DRC11: variants seen among roughly 807,000 people sequenced by gnomAD.
DRC11 encodes IQ and AAA domain-containing protein 1.
the DRC11 span, among the ~76,000 whole-genome samples, chr2:236,389,909 T>C: frequency 6.6e-6 from 1 of 152,196 alleles, no homozygotes; most frequent in Non-Finnish European, 1.5e-5. Context: ...ACTTAGCATG[T>C]GATATATCCT....
At chr2:236,450,074 C>T in the DRC11 span, among the ~76,000 whole-genome samples, 1 of 152,040 alleles carries the variant, frequency 6.6e-6, no homozygotes, top group Non-Finnish European at 1.5e-5. Flanking sequence ...TATTATTGTC[C>T]TTGCTACAGC....
the DRC11 span, among the ~76,000 whole-genome samples, chr2:236,339,521 G>T: frequency 7.2e-5 from 11 of 152,150 alleles, no homozygotes; most frequent in Non-Finnish European, 1.2e-4. Flanking sequence ...ATATTTTCTT[G>T]TAAGAGTGTT....
chr2:236,406,518 C>A, the DRC11 span, among the ~76,000 whole-genome samples: 1 of 152,140 alleles, frequency 6.6e-6, no homozygotes, highest in Non-Finnish European at 1.5e-5. The surrounding 1 kb of genome is among the most constrained non-coding windows in gnomAD (Gnocchi z 4.7). Flanking sequence ...ACCTGCTCCT[C>A]CCCTCTGGGT....
chr2:236,486,700 G>T, the DRC11 span: 1 of 669,990 alleles, frequency 1.5e-6, no homozygotes, highest in Non-Finnish European at 2.6e-6. This position sits in a 1 kb window ranked among gnomAD's most constrained non-coding sequence, Gnocchi z 5.7. Context: ...TACCATATGG[G>T]TGACTCCATT....
the DRC11 span, among the ~76,000 whole-genome samples, chr2:236,317,506 A>C: frequency 6.6e-6 from 1 of 152,172 alleles, no homozygotes; most frequent in Non-Finnish European, 1.5e-5. This position sits in a 1 kb window ranked among gnomAD's most constrained non-coding sequence, Gnocchi z 5.4. Context: ...GTTCAAACCC[A>C]GCTAAAAGTA....
the DRC11 span, among the ~76,000 whole-genome samples, chr2:236,406,211 T>C: frequency 6.6e-6 from 1 of 152,238 alleles, no homozygotes; most frequent in African/African-American, 2.4e-5. The surrounding 1 kb of genome is among the most constrained non-coding windows in gnomAD (Gnocchi z 4.7). Flanking sequence ...TATCAAAATA[T>C]CTTTGTGAAA....
chr2:236,380,130 T>C, the DRC11 span, among the ~76,000 whole-genome samples: 419 of 152,300 alleles, frequency 2.8e-3, 3 homozygotes, highest in African/African-American at 9.6e-3. The surrounding 1 kb of genome is among the most constrained non-coding windows in gnomAD (Gnocchi z 4.9). Flanking sequence ...GCTGGGCCCA[T>C]GAAGCTCTGA....
the DRC11 span, among the ~76,000 whole-genome samples, chr2:236,475,661 CA>C: frequency 6.6e-6 from 1 of 152,144 alleles, no homozygotes. This position sits in a 1 kb window ranked among gnomAD's most constrained non-coding sequence, Gnocchi z 4.8. Flanking sequence ...ACCAACAGTG[CA>C]CAAGCGTTCC....
the DRC11 span, chr2:236,392,253 G>T: frequency 6.3e-7 from 1 of 1,585,258 alleles, no homozygotes; most frequent in Non-Finnish European, 8.6e-7. This position sits in a 1 kb window ranked among gnomAD's most constrained non-coding sequence, Gnocchi z 5.1. Context: ...CCTGTATCCT[G>T]ATCTCTGACT....
At chr2:236,487,905 G>A in the DRC11 span, 1 of 724,776 alleles carries the variant, frequency 1.4e-6, no homozygotes, top group Non-Finnish European at 2.1e-6. Flanking sequence ...GGTAGGATTT[G>A]GTGTTTGAGT....
At chr2:236,322,926 G>C in the DRC11 span, among the ~76,000 whole-genome samples, 3 of 152,206 alleles carry the variant, frequency 2.0e-5, no homozygotes, top group Non-Finnish European at 4.4e-5. Context: ...CACAGATCTA[G>C]AACTTTTCCA....
At chr2:236,444,377 G>A in the DRC11 span, among the ~76,000 whole-genome samples, 256 of 152,352 alleles carry the variant, frequency 1.7e-3, no homozygotes, top group Non-Finnish European at 2.9e-3. Flanking sequence ...TTGATTCTCT[G>A]CTACTATTGT....
the DRC11 span, among the ~76,000 whole-genome samples, chr2:236,384,127 G>A: frequency 2.1e-4 from 32 of 151,192 alleles, no homozygotes; most frequent in East Asian, 9.7e-4. Context: ...ATAAACATAC[G>A]TGTGCATGTG....
At chr2:236,497,575 T>A in the DRC11 span, 1 of 855,976 alleles carries the variant, frequency 1.2e-6, no homozygotes, top group African/African-American at 1.7e-5. The surrounding 1 kb of genome is among the most constrained non-coding windows in gnomAD (Gnocchi z 5.1). Flanking sequence ...TAGCAAAATA[T>A]AACACAGAAT....
At chr2:236,459,688 C>CGTAT in the DRC11 span, among the ~76,000 whole-genome samples, 6 of 131,242 alleles carry the variant, frequency 4.6e-5, no homozygotes, top group Non-Finnish European at 1.0e-4. Flanking sequence ...TATGTATATA[C>CGTAT]ATATATACAT....
the DRC11 span, among the ~76,000 whole-genome samples, chr2:236,386,912 C>T: frequency 1.6e-4 from 23 of 144,786 alleles, no homozygotes; most frequent in African/African-American, 4.9e-4. Context: ...GCCTTCATTT[C>T]GTTATGTACC....
the DRC11 span, among the ~76,000 whole-genome samples, chr2:236,346,208 A>G: frequency 5.9e-5 from 9 of 152,362 alleles, no homozygotes; most frequent in African/African-American, 2.2e-4. Context: ...TGATAACTGC[A>G]GTGAATGAGT....
chr2:236,377,516 T>C, the DRC11 span, among the ~76,000 whole-genome samples: 1 of 152,166 alleles, frequency 6.6e-6, no homozygotes, highest in Non-Finnish European at 1.5e-5. This position sits in a 1 kb window ranked among gnomAD's most constrained non-coding sequence, Gnocchi z 4.9. Flanking sequence ...AATTACCCAA[T>C]AATAGTAATG....
chr2:236,408,309 C>T, the DRC11 span: 1 of 791,506 alleles, frequency 1.3e-6, no homozygotes, highest in Non-Finnish European at 2.3e-6. The surrounding 1 kb of genome is among the most constrained non-coding windows in gnomAD (Gnocchi z 5.5). Context: ...GATGCCATGC[C>T]CCAATCCAGG....
Sources: gnomAD v4.1 joint callset for allele counts (sites outside exome capture counted in the v4.1 genomes callset) on GRCh38, gnomAD v4.1.1 for gene constraint, Gnocchi (gnomAD v3.1) non-coding constraint, MANE v1.5 for transcripts, NCBI Gene and HGNC (gene_info 2026-07-23, HGNC 2026-07-21) for gene names.